The following LGSN variants were observed in gnomAD, a reference collection of about 807,000 sequenced individuals.
LGSN encodes lengsin, lens protein with glutamine synthetase domain, also known as lengsin.
LGSN carries 21 observed loss-of-function variants against 19.5 expected under a neutral mutation model. The observed-to-expected ratio is 1.07, with a 90% CI of 0.76 to 1.55. The LOEUF (loss-of-function observed/expected upper bound fraction) is 1.55, where lower values mean the gene tolerates loss of function less well. Ranked by LOEUF, LGSN falls within the 40% of genes most tolerant of loss-of-function variation. The probability of loss-of-function intolerance (pLI) is 0.00; values close to 1 mark genes in which losing one functional copy is unlikely to be tolerated. For synonymous variants in LGSN, 257 were observed against 215.6 expected, an observed-to-expected ratio of 1.19 and a Z score of -1.68; for missense variants, 673 against 608.5, an observed-to-expected ratio of 1.11 and a Z score of -1.12.
chr6:63,460,982 C>G, the LGSN span, among the ~76,000 whole-genome samples: 2 of 152,310 alleles, frequency 1.3e-5, no homozygotes, highest in South Asian at 4.1e-4. Context: ...GGGGGCCAAG[C>G]GTCCCTCAGG....
At chr6:63,345,850 A>G in the LGSN span, among the ~76,000 whole-genome samples, 1 of 152,224 alleles carries the variant, frequency 6.6e-6, no homozygotes, top group Non-Finnish European at 1.5e-5. Context: ...CTTTGGTCCA[A>G]TATCTTTTAC....
chr6:63,506,253 G>GTGTTGT, the LGSN span, among the ~76,000 whole-genome samples: 1 of 44,426 alleles, frequency 2.3e-5, no homozygotes, highest in Non-Finnish European at 4.4e-5. Context: ...GGTGGTGGTG[G>GTGTTGT]TGTTGTTGTT....
At chr6:63,548,602 G>C in the LGSN span, 2 of 314,226 alleles carry the variant, frequency 6.4e-6, no homozygotes, top group African/African-American at 4.3e-5. Context: ...TAGAAATTCA[G>C]AAAAGGTTTA....
the LGSN span, among the ~76,000 whole-genome samples, chr6:63,353,276 T>C: frequency 1.3e-5 from 2 of 152,098 alleles, no homozygotes; most frequent in African/African-American, 4.8e-5. Context: ...CAGATTTCTG[T>C]TGCAGACCCA....
the LGSN span, among the ~76,000 whole-genome samples, chr6:63,503,526 A>G: frequency 6.6e-6 from 1 of 152,200 alleles, no homozygotes; most frequent in Non-Finnish European, 1.5e-5. Flanking sequence ...AATTCCAGAG[A>G]GTAGGTGTCT....
the LGSN span, among the ~76,000 whole-genome samples, chr6:63,336,575 A>ATATATATATATATGTGTGTGTGTG: frequency 2.0e-5 from 3 of 148,614 alleles, no homozygotes; most frequent in African/African-American, 7.5e-5. Flanking sequence ...ATATATATAT[A>ATATATATATATATGTGTGTGTGTG]TGTATAAAAT....
the LGSN span, among the ~76,000 whole-genome samples, chr6:63,508,759 A>C: frequency 6.6e-6 from 1 of 151,930 alleles, no homozygotes; most frequent in East Asian, 2.0e-4. Context: ...TCTACTAAAA[A>C]AACAAAAAAA....
the LGSN span, among the ~76,000 whole-genome samples, chr6:63,422,491 T>C: frequency 1.4e-4 from 22 of 152,240 alleles, no homozygotes; most frequent in South Asian, 6.2e-4. Context: ...CTCTGTGCTT[T>C]CTGCTCAATT....
At chr6:63,571,684 G>C in the LGSN span, 1 of 152,220 alleles carries the variant, frequency 6.6e-6, no homozygotes, top group African/African-American at 2.4e-5. Flanking sequence ...GCAGTACAAA[G>C]GATGCATGTG....
At chr6:63,571,894 C>T in the LGSN span, 1 of 152,210 alleles carries the variant, frequency 6.6e-6, no homozygotes, top group East Asian at 1.9e-4. Context: ...TTCATCTTGA[C>T]CAAGCCTAAG....
the LGSN span, among the ~76,000 whole-genome samples, chr6:63,540,072 C>A: frequency 6.6e-6 from 1 of 152,136 alleles, no homozygotes; most frequent in Non-Finnish European, 1.5e-5. Flanking sequence ...AGCTATGCAC[C>A]ATGCCCCTGC....
At chr6:63,506,681 G>T in the LGSN span, among the ~76,000 whole-genome samples, 1 of 152,194 alleles carries the variant, frequency 6.6e-6, no homozygotes, top group Admixed American at 6.5e-5. Context: ...GATTTTAAGA[G>T]AACGGGCATA....
In LGSN at chr6:63,276,517, A is replaced by G. The variant is rs1460589625; in HGVS notation, c.*3504T>C. 6.6e-6 allele frequency: 1 copy of G among 152,224 alleles called. No homozygotes were observed. Among genetic ancestry groups the G allele is most frequent in the Non-Finnish European group, 1.5e-5 (1 of 68,022 alleles). 9.4% of individuals were successfully genotyped at this position (152,224 alleles called of 1,614,324 possible). A position where few individuals can be genotyped will look rare whatever the true frequency, so the allele number is the denominator to read the frequency against. On this transcript the variant is annotated 3_prime_UTR_variant, in exon 4 of 4. Coordinates refer to ENST00000370657, the MANE Select transcript of LGSN (RefSeq NM_016571.3). ...ATTTTTCCCCTAAGCTTTGATTAGA[A>G]CAATTATAGTAAATGAAAATAAGAA...
At position 63,280,991 on chromosome 6, in the gene LGSN, A is replaced by G; in HGVS notation, c.560T>C (p.Ile187Thr). ...GEPLLTSPRY[I>T]AKRQLSHLQA... ...CAGATGGCTCAGCTGCCTCTTTGCA[A>G]TGTACCTTGGGGAAGTCAAAAGAGG... The change falls in exon 4 of 4, where the codon ATT becomes ACT. Residue 187 changes from isoleucine (I) to threonine (T), a missense_variant. Physicochemically the swap from Ile to Thr is moderately conservative, Grantham distance 89. Coordinates refer to ENST00000370657, the MANE Select transcript of LGSN (RefSeq NM_016571.3). 11 of 1,614,164 alleles carry G rather than the reference A, an allele frequency of 6.8e-6. No homozygotes were observed. Among genetic ancestry groups the G allele is most frequent in the South Asian group, 1.1e-5 (1 of 91,084 alleles).
At chr6:63,417,299 C>T in the LGSN span, among the ~76,000 whole-genome samples, 2 of 152,120 alleles carry the variant, frequency 1.3e-5, no homozygotes, top group East Asian at 3.9e-4. Flanking sequence ...AGGCTCATCA[C>T]ACCCATACCC....
the LGSN span, among the ~76,000 whole-genome samples, chr6:63,438,299 G>A: frequency 2.0e-5 from 3 of 152,190 alleles, no homozygotes; most frequent in East Asian, 5.8e-4. Flanking sequence ...CATGGGTAAG[G>A]ACTTCATGTC....
the LGSN span, among the ~76,000 whole-genome samples, chr6:63,530,739 A>C: frequency 6.6e-6 from 1 of 152,256 alleles, no homozygotes. Context: ...AAATTTCTAG[A>C]GGCATACCTG....
chr6:63,302,904 A>C (rs941733204), intron 1 of LGSN, among the ~76,000 whole-genome samples: 2 of 152,062 alleles, frequency 1.3e-5, no homozygotes, highest in African/African-American at 4.8e-5. Flanking sequence ...AGGTAGGTGG[A>C]TCACTCGAGG....
chr6:63,432,173 A>AAAGAAAGAAAGAAAGAAAGAGAG, the LGSN span, among the ~76,000 whole-genome samples: 1 of 29,552 alleles, frequency 3.4e-5, no homozygotes, highest in African/African-American at 1.7e-4. Flanking sequence ...AAGAAAGAAA[A>AAAGAAAGAAAGAAAGAAAGAGAG]GGAAAGAAAG....
Sources: allele counts gnomAD v4.1 joint callset (sites outside exome capture counted in the v4.1 genomes callset), GRCh38; gene constraint gnomAD v4.1.1; transcripts MANE v1.5; gene names NCBI Gene and HGNC (gene_info 2026-07-23, HGNC 2026-07-21).